The following UTP4 variants were observed in gnomAD, a reference collection of about 807,000 sequenced individuals.
UTP4 encodes UTP4 small subunit processome component.
UTP4 carries 45 observed loss-of-function variants against 82.4 expected under a neutral mutation model. The observed-to-expected ratio is 0.55, with a 90% CI of 0.43 to 0.70. The LOEUF (loss-of-function observed/expected upper bound fraction) is 0.70, where lower values mean the gene tolerates loss of function less well. UTP4 is among the 30% of genes least tolerant of loss of function. The pLI is 0.00. For missense variants in UTP4, 819 were observed against 858.3 expected, an observed-to-expected ratio of 0.95 and a Z score of 0.57; for synonymous variants, 348 against 300.3, an observed-to-expected ratio of 1.16 and a Z score of -1.64.
chr16:69,142,323 C>A (rs1050808694), intron 5 of UTP4: 1 of 152,802 alleles, frequency 6.5e-6, no homozygotes, highest in African/African-American at 2.4e-5. Flanking sequence ...TGGCTATCAG[C>A]ATTCTAAGGG....
Position 69,160,411 on chromosome 16 carries a change from T to A in UTP4, c.1500T>A (p.Ala500=). The A allele has an allele frequency of 6.2e-7, 1 of 1,614,142 alleles. No homozygotes were observed. ...LAVSPDGNWL[A]ASGTSAGVHV... is the part of the protein sequence containing the mutation. ...TCAGTCCAGATGGGAATTGGCTAGC[T>A]GCATCAGGTACCAGTGCTGGAGTCC... Residue 500 remains alanine, a synonymous_variant, in exon 13 of 17, where the codon GCT becomes GCA. Transcript: ENST00000314423.
At chr16:69,156,790 G>C (rs1040916491) in intron 11 of UTP4, among the ~76,000 whole-genome samples, 3 of 152,208 alleles carry the variant, frequency 2.0e-5, no homozygotes, top group African/African-American at 4.8e-5. Flanking sequence ...TTGAAATTTT[G>C]AGGTATGTTC....
chr16:69,156,742 A>ACAC (rs1963425429), intron 11 of UTP4, among the ~76,000 whole-genome samples: 1 of 152,172 alleles, frequency 6.6e-6, no homozygotes, highest in Non-Finnish European at 1.5e-5. Context: ...CAGGCATGAG[A>ACAC]CACTGCGCCC....
chr16:69,139,481 A>G (rs904074369), intron 4 of UTP4, among the ~76,000 whole-genome samples: 4 of 151,390 alleles, frequency 2.6e-5, no homozygotes, highest in African/African-American at 9.7e-5. Context: ...TCCACTAAAA[A>G]TACAAAAATT....
At chr16:69,146,386 T>C (rs370376042) in intron 6 of UTP4, among the ~76,000 whole-genome samples, 4 of 152,304 alleles carry the variant, frequency 2.6e-5, no homozygotes, top group African/African-American at 9.6e-5. Flanking sequence ...GCTTATAACA[T>C]TTGTTATTTT....
chr16:69,151,888 TA>T (rs1963278819), intron 8 of UTP4, among the ~76,000 whole-genome samples: 1 of 151,748 alleles, frequency 6.6e-6, no homozygotes, highest in Admixed American at 6.6e-5. Flanking sequence ...TCCAGTGTTC[TA>T]GGTAAATGGT....
At chr16:69,141,687 G>A (rs1238762068) in intron 5 of UTP4, among the ~76,000 whole-genome samples, 2 of 151,772 alleles carry the variant, frequency 1.3e-5, no homozygotes, top group Non-Finnish European at 2.9e-5. Flanking sequence ...TGCTTTCTGG[G>A]AGAGTTTGTC....
chr16:69,150,519 C>T lies in UTP4; in HGVS notation c.739-18C>T. The stretch of plus-strand genomic sequence containing the variant: ...TTGTTTTGCTTACGTGTACCTCCCT[C>T]ATGATTTAATTCCTCAGCAAGAAGA... On this transcript the variant is annotated intron_variant, in intron 6 of 16. Coordinates refer to ENST00000314423, the MANE Select transcript of UTP4 (RefSeq NM_032830.3). 1 of 1,614,166 alleles carries T rather than the reference C, an allele frequency of 6.2e-7. No individual in the cohort carries two copies. Among genetic ancestry groups the T allele is most frequent in the Non-Finnish European group, 8.5e-7 (1 of 1,179,998 alleles).
At chr16:69,143,686 G>A (rs1963029731) in intron 6 of UTP4, among the ~76,000 whole-genome samples, 1 of 152,140 alleles carries the variant, frequency 6.6e-6, no homozygotes, top group South Asian at 2.1e-4. Flanking sequence ...GAAGAATCTG[G>A]AGAAGCGCTA....
At chr16:69,168,203 A>G (rs1214462562) in intron 16 of UTP4, among the ~76,000 whole-genome samples, 2 of 152,048 alleles carry the variant, frequency 1.3e-5, no homozygotes, top group African/African-American at 2.4e-5. Context: ...TTGGGAGGCC[A>G]AGGTGGGCGG....
At chr16:69,136,542 A>G (rs917756886) in intron 2 of UTP4, 154 bp from the exon 3 acceptor site, 1 of 774,410 alleles carries the variant, frequency 1.3e-6, no homozygotes, top group Non-Finnish European at 2.3e-6. Flanking sequence ...ATTTGAGCTG[A>G]AAAAATGAAA....
At chr16:69,147,880 C>T (rs1408125206) in intron 6 of UTP4, among the ~76,000 whole-genome samples, 1 of 151,310 alleles carries the variant, frequency 6.6e-6, no homozygotes. Flanking sequence ...ATTAGGAATC[C>T]TTTTTTTTTC....
At position 69,151,625 on chromosome 16, in the gene UTP4, C is replaced by CT. The variant is rs35834911; in HGVS notation, c.1002+735dup. ...GTGAGCCACTGTGCCCAGCCCCTGC[C>CT]TTTTTTTTTTTTTTAACCATCTGGG... On this transcript the variant is annotated intron_variant, in intron 8 of 16. Coordinates refer to ENST00000314423, the MANE Select transcript of UTP4 (RefSeq NM_032830.3). Among the ~76,000 whole-genome samples the CT allele has an allele frequency of 5.2e-3, 760 of 145,328 alleles. 10 individuals carry two copies. The highest frequency in any genetic ancestry group is 6.5e-3 in the Non-Finnish European group (431 of 65,980).
At chr16:69,154,967 G>A (rs1413986789) in intron 10 of UTP4, among the ~76,000 whole-genome samples, 5 of 151,944 alleles carry the variant, frequency 3.3e-5, no homozygotes, top group Non-Finnish European at 1.5e-5. Context: ...TGATCCGCCC[G>A]CCTTGGCCTC....
Position 69,153,657 on chromosome 16 carries a change from G to GA in UTP4, c.1077dup (p.Leu360ThrfsTer18). The GA allele has an allele frequency of 6.2e-7, 1 of 1,612,764 alleles. No homozygotes were observed. The highest frequency in any genetic ancestry group is 8.5e-7 in the Non-Finnish European group (1 of 1,179,302). On this transcript the variant is annotated frameshift_variant, in exon 9 of 17. Coordinates refer to ENST00000314423, the MANE Select transcript of UTP4 (RefSeq NM_032830.3). LOFTEE classifies it high-confidence loss of function. Reference sequence around the variant, plus strand: ...TTTGCTCATCACTTAGAACTTTGGCGACTGGGATCCACAGTTGCAACAGGT... The same window carrying GA: ...TTTGCTCATCACTTAGAACTTTGGCGAACTGGGATCCACAGTTGCAACAGGT...
Position 69,160,453 on chromosome 16 carries a change from A to G in UTP4, c.1542A>G (p.Lys514=), listed in dbSNP as rs757013364. Residue 514 remains lysine, a synonymous_variant, in exon 13 of 17, where the codon AAA becomes AAG. Coordinates refer to ENST00000314423, the MANE Select transcript of UTP4 (RefSeq NM_032830.3). ...CTGGAGTCCATGTCTACAACGTAAA[A>G]CAGCTAAAGGTGAGCATAGGGTTTC... ...TSAGVHVYNV[K]QLKLHCTVPA... 6.2e-7 allele frequency: 1 copy of G among 1,613,390 alleles called. No individual in the cohort carries two copies. The highest frequency in any genetic ancestry group is 1.1e-5 in the South Asian group (1 of 91,070).
chr16:69,138,918 A>AATCAGATT (rs1391720140), intron 4 of UTP4: 1 of 151,024 alleles, frequency 6.6e-6, no homozygotes, highest in South Asian at 2.1e-4. Context: ...ATCCTCTGCT[A>AATCAGATT]ATCAGATTCT....
At chr16:69,145,091 G>A (rs751225741) in intron 6 of UTP4, among the ~76,000 whole-genome samples, 5 of 151,766 alleles carry the variant, frequency 3.3e-5, no homozygotes, top group Non-Finnish European at 5.9e-5. Flanking sequence ...GCAGTGAGCC[G>A]AGATCATGCC....
chr16:69,165,330 T>TATTTGA lies in UTP4; in HGVS notation c.1648-11_1648-10insATTTGA. Reference sequence around the variant, plus strand: ...CCAGCCTGCATTTCTCTATGTCATGTCCTCCCTCAGGTATTTGAGTACAGC... The same window carrying TATTTGA: ...CCAGCCTGCATTTCTCTATGTCATGTATTTGACCTCCCTCAGGTATTTGAGTACAGC... On this transcript the variant is annotated splice_polypyrimidine_tract_variant and intron_variant, in intron 14 of 16. Coordinates refer to ENST00000314423, the MANE Select transcript of UTP4 (RefSeq NM_032830.3). The TATTTGA allele has an allele frequency of 1.2e-6, 2 of 1,613,750 alleles. No homozygotes were observed. The highest frequency in any genetic ancestry group is 3.3e-5 in the Admixed American group (2 of 60,008).
Sources: allele counts gnomAD v4.1 joint callset (sites outside exome capture counted in the v4.1 genomes callset), GRCh38; gene constraint gnomAD v4.1.1; transcripts MANE v1.5; gene names NCBI Gene and HGNC (gene_info 2026-07-23, HGNC 2026-07-21).